Variants in DNAJC13 observed in about 807,000 individuals in gnomAD.
DNAJC13 encodes the protein DnaJ heat shock protein family (Hsp40) member C13, also known as dnaJ homolog subfamily C member 13.
DNAJC13 carries 75 observed loss-of-function variants against 290.5 expected under a neutral mutation model. The observed-to-expected ratio is 0.26, with a 90% CI of 0.21 to 0.31. DNAJC13 has a LOEUF of 0.31. DNAJC13 is among the 10% of genes least tolerant of loss of function. The pLI, the probability that DNAJC13 is intolerant of heterozygous loss-of-function variation, is 1.00. For missense variants in DNAJC13, 2,260 were observed against 2,674.5 expected (o/e 0.85, Z 3.42); for synonymous variants, 862 against 892.0 (o/e 0.97, Z 0.60).
chr3:132,431,732 C>T (rs1029290554), intron 1 of DNAJC13, among the ~76,000 whole-genome samples: 2 of 152,092 alleles, frequency 1.3e-5, no homozygotes, highest in African/African-American at 4.8e-5. Context: ...AAGGTAGAAA[C>T]AACACCCGTG....
At chr3:132,471,210 A>C (rs1186562328) in intron 20 of DNAJC13, among the ~76,000 whole-genome samples, 7 of 81,810 alleles carry the variant, frequency 8.6e-5, no homozygotes, top group Admixed American at 1.3e-4. Flanking sequence ...GGCACCCCTC[A>C]CCTCCCGGAC....
intron 17 of DNAJC13, among the ~76,000 whole-genome samples, chr3:132,464,707 T>C (rs1314837568): frequency 6.6e-6 from 1 of 152,162 alleles, no homozygotes; most frequent in African/African-American, 2.4e-5. Context: ...AAGGATGTTT[T>C]CCTAGTATTG....
At position 132,447,918 on chromosome 3, in the gene DNAJC13, A is replaced by G. The variant is rs1050221443; in HGVS notation, c.315A>G (p.Ser105=). Residue 105 remains serine, a synonymous_variant, in exon 5 of 56, where the codon TCA becomes TCG. Coordinates refer to ENST00000260818, the MANE Select transcript of DNAJC13 (RefSeq NM_015268.4). Reference sequence around the variant, plus strand: ...TTCAGAGATTTAGAACTGATTTTTCAGAGGGAAAAATCACAGGAAGGGTAA... The same window carrying G: ...TTCAGAGATTTAGAACTGATTTTTCGGAGGGAAAAATCACAGGAAGGGTAA... ...TEALRFRTDF[S]EGKITGRRYN... is the part of the protein sequence containing the mutation. 2 of 1,590,834 alleles carry G rather than the reference A, an allele frequency of 1.3e-6. No homozygotes were observed.
At chr3:132,469,963 C>CTTTTTTTTTTTTTTTTTTTTTTTTT (rs61726289) in intron 20 of DNAJC13, among the ~76,000 whole-genome samples, 5 of 61,156 alleles carry the variant, frequency 8.2e-5, no homozygotes, top group African/African-American at 2.2e-4. Flanking sequence ...AGCAGAGATT[C>CTTTTTTTTTTTTTTTTTTTTTTTTT]TTTTTTTTTT....
chr3:132,479,246 G>A lies in DNAJC13; in HGVS notation c.2729G>A (p.Arg910Gln), dbSNP rs754878524. The change falls in exon 25 of 56, where the codon CGA becomes CAA. Residue 910 changes from arginine to glutamine, a missense_variant. Arg to Gln is a conservative substitution (Grantham distance 43). Coordinates refer to ENST00000260818, the MANE Select transcript of DNAJC13 (RefSeq NM_015268.4). ...CAATAGTGCACAGATAAACTTGAAC[G>A]AGATAGGTTGATTCTCTTCCTTAAC... ...MLERCTDKLE[R>Q]DRLILFLNKL... is the part of the protein sequence containing the mutation. 5.0e-6 allele frequency: 8 copies of A among 1,607,890 alleles called. No individual in the cohort carries two copies. Among genetic ancestry groups the A allele is most frequent in the South Asian group, 3.3e-5 (3 of 90,846 alleles).
intron 35 of DNAJC13, 65 bp from the exon 36 acceptor site, chr3:132,496,463 G>A: frequency 2.1e-6 from 3 of 1,403,178 alleles, no homozygotes; most frequent in Non-Finnish European, 2.9e-6. Context: ...CAAACCATAT[G>A]TCTTGTTTAA....
chr3:132,530,438 A>C (rs1305688165), intron 54 of DNAJC13, among the ~76,000 whole-genome samples: 1 of 152,260 alleles, frequency 6.6e-6, no homozygotes, highest in Non-Finnish European at 1.5e-5. Flanking sequence ...TGTATTATTT[A>C]TACTCATATA....
Position 132,462,463 on chromosome 3 carries a change from A to G in DNAJC13, c.1714-4A>G. 1 of 1,609,098 alleles carries G rather than the reference A, an allele frequency of 6.2e-7. No homozygotes were observed. Among genetic ancestry groups the G allele is most frequent in the Non-Finnish European group, 8.5e-7 (1 of 1,178,304 alleles). The stretch of plus-strand genomic sequence containing the variant: ...TTTGATACTTTTTCCCCCTCACTTT[A>G]AAGCATCCTTCCATGGCAATAATAA... On this transcript the variant is annotated splice_region_variant and splice_polypyrimidine_tract_variant and intron_variant, in intron 15 of 55. Coordinates refer to ENST00000260818, the MANE Select transcript of DNAJC13 (RefSeq NM_015268.4).
At chr3:132,456,438 A>T (rs1933600980) in intron 10 of DNAJC13, 37 bp downstream of exon 10, 2 of 1,610,136 alleles carry the variant, frequency 1.2e-6, no homozygotes, top group East Asian at 4.5e-5. Flanking sequence ...ATTTCCACTC[A>T]TCTACTTAAT....
At chr3:132,446,154 A>G (rs1316643846) in intron 2 of DNAJC13, among the ~76,000 whole-genome samples, 1 of 151,106 alleles carries the variant, frequency 6.6e-6, no homozygotes, top group Non-Finnish European at 1.5e-5. Flanking sequence ...AAACTTTCCC[A>G]TTTAGGATCT....
chr3:132,516,481 G>A lies in DNAJC13; in HGVS notation c.5545G>A (p.Glu1849Lys). Residue 1849 changes from glutamate to lysine, a missense_variant, in exon 47 of 56, where the codon GAA becomes AAA. Transcript: ENST00000260818. ...GACATCGAGTACAAAAATAATCAAAGAAGCAATGGCAAAGGGTAATGTATA... is the reference window on the plus strand; with the variant it reads ...GACATCGAGTACAAAAATAATCAAAAAAGCAATGGCAAAGGGTAATGTATA... ...ALTSSTKIIK[E>K]AMAKGALIYL... 1 of 1,613,764 alleles carries A rather than the reference G, an allele frequency of 6.2e-7. No individual in the cohort carries two copies. The highest frequency in any genetic ancestry group is 8.5e-7 in the Non-Finnish European group (1 of 1,179,766).
intron 1 of DNAJC13, among the ~76,000 whole-genome samples, chr3:132,423,454 A>G (rs1939014327): frequency 6.6e-6 from 1 of 152,210 alleles, no homozygotes; most frequent in Non-Finnish European, 1.5e-5. Flanking sequence ...TTAGTCATCT[A>G]AGGCTATGGG....
chr3:132,493,226 AC>A (rs201231542), intron 33 of DNAJC13, among the ~76,000 whole-genome samples: 2 of 151,284 alleles, frequency 1.3e-5, no homozygotes, highest in Non-Finnish European at 2.9e-5. Context: ...TGCCCTTGGG[AC>A]CCCCCTAACC....
chr3:132,518,927 T>C (rs1031889718), intron 48 of DNAJC13, among the ~76,000 whole-genome samples: 2 of 152,238 alleles, frequency 1.3e-5, no homozygotes, highest in African/African-American at 4.8e-5. Context: ...GGGCATTGTA[T>C]ATAAATGGAA....
chr3:132,492,104 C>T (rs1422692952), intron 32 of DNAJC13, among the ~76,000 whole-genome samples: 1 of 152,098 alleles, frequency 6.6e-6, no homozygotes, highest in Non-Finnish European at 1.5e-5. Flanking sequence ...TTTCAGTTTC[C>T]TAGCTACACC....
At chr3:132,431,639 A>T (rs74497914) in intron 1 of DNAJC13, among the ~76,000 whole-genome samples, 38 of 152,206 alleles carry the variant, frequency 2.5e-4, no homozygotes, top group African/African-American at 9.2e-4. Flanking sequence ...CCACTCAGGT[A>T]TATACCTAAG....
intron 6 of DNAJC13, 48 bp downstream of exon 6, chr3:132,450,895 A>C: frequency 8.6e-7 from 1 of 1,165,064 alleles, no homozygotes; most frequent in Admixed American, 2.5e-5. Context: ...GGTCATGACC[A>C]TTTGAAGGAA....
At chr3:132,524,448 C>G (rs1936188863) in intron 51 of DNAJC13, among the ~76,000 whole-genome samples, 1 of 152,218 alleles carries the variant, frequency 6.6e-6, no homozygotes, top group Non-Finnish European at 1.5e-5. Context: ...CCTCATGACT[C>G]TGCCTCAGTT....
intron 55 of DNAJC13, among the ~76,000 whole-genome samples, chr3:132,535,501 C>T (rs1300084215): frequency 6.6e-6 from 1 of 152,156 alleles, no homozygotes; most frequent in African/African-American, 2.4e-5. Flanking sequence ...CAGCTTGGTG[C>T]TGATGGTCTC....
Sources: allele counts gnomAD v4.1 joint callset (sites outside exome capture counted in the v4.1 genomes callset), GRCh38; gene constraint gnomAD v4.1.1; transcripts MANE v1.5; gene names NCBI Gene and HGNC (gene_info 2026-07-23, HGNC 2026-07-21).